Variants in CAMK1D observed in about 807,000 individuals in gnomAD.
The protein encoded by CAMK1D is calcium/calmodulin dependent protein kinase ID.
A neutral mutation model predicts 47.7 loss-of-function variants in CAMK1D; 9 were observed. The observed-to-expected ratio is 0.19, with a 90% CI of 0.11 to 0.33. CAMK1D has a LOEUF of 0.33. CAMK1D is among the 10% of genes least tolerant of loss of function. CAMK1D has a pLI of 1.00. For missense variants in CAMK1D, 291 were observed against 488.7 expected (o/e 0.60, Z 3.81); for synonymous variants, 184 against 184.9 (o/e 0.99, Z 0.04).
chr10:12,453,508 G>A (rs1428890088), intron 1 of CAMK1D, among the ~76,000 whole-genome samples: 1 of 151,968 alleles, frequency 6.6e-6, no homozygotes, highest in African/African-American at 2.4e-5. Context: ...TCCTTTTTAA[G>A]GCCGAATAAT....
At chr10:12,789,868 A>G (rs1837901485) in intron 5 of CAMK1D, among the ~76,000 whole-genome samples, 1 of 152,268 alleles carries the variant, frequency 6.6e-6, no homozygotes, top group African/African-American at 2.4e-5. Context: ...TCTGTGCTAA[A>G]GACACTGCCA....
chr10:12,467,272 C>T (rs1276682780), intron 1 of CAMK1D, among the ~76,000 whole-genome samples: 3 of 152,110 alleles, frequency 2.0e-5, no homozygotes, highest in Non-Finnish European at 4.4e-5. Flanking sequence ...CCTGCCTCAG[C>T]CCCCCGATTA....
chr10:12,643,272 A>T (rs1588724228), intron 2 of CAMK1D, among the ~76,000 whole-genome samples: 3 of 152,280 alleles, frequency 2.0e-5, no homozygotes, highest in Middle Eastern at 6.8e-3. Context: ...AAATGCTGGG[A>T]TTACAGGCGT....
chr10:12,807,942 A>G (rs1368697143), intron 6 of CAMK1D, among the ~76,000 whole-genome samples: 1 of 152,196 alleles, frequency 6.6e-6, no homozygotes, highest in East Asian at 1.9e-4. Flanking sequence ...TTCTACCTGC[A>G]AGATAGACCA....
chr10:12,746,562 AAC>A (rs1037317926), intron 3 of CAMK1D, among the ~76,000 whole-genome samples: 4 of 152,154 alleles, frequency 2.6e-5, no homozygotes, highest in African/African-American at 9.7e-5. Context: ...CAGCTCCTGG[AAC>A]ACCTTCTCTT....
chr10:12,556,747 G>A (rs374920447), intron 2 of CAMK1D, among the ~76,000 whole-genome samples: 4 of 152,198 alleles, frequency 2.6e-5, no homozygotes, highest in Non-Finnish European at 5.9e-5. Flanking sequence ...GGGAGCCATC[G>A]GAGGGTTTTG....
At chr10:12,613,597 G>C (rs769071036) in intron 2 of CAMK1D, among the ~76,000 whole-genome samples, 19 of 152,196 alleles carry the variant, frequency 1.2e-4, no homozygotes, top group Non-Finnish European at 2.4e-4. Context: ...TCCTGCCTCA[G>C]CCTTCTGAGT....
At chr10:12,369,453 C>T (rs151116414) in intron 1 of CAMK1D, among the ~76,000 whole-genome samples, 70 of 152,082 alleles carry the variant, frequency 4.6e-4, no homozygotes, top group African/African-American at 1.4e-3. Flanking sequence ...GACTGTGTAT[C>T]GGTAGGAAGG....
At chr10:12,528,065 T>C (rs1223633104) in intron 1 of CAMK1D, among the ~76,000 whole-genome samples, 1 of 152,250 alleles carries the variant, frequency 6.6e-6, no homozygotes. Context: ...ATGTTTATAG[T>C]AACCCATTTA....
At chr10:12,714,105 C>A (rs1194434213) in intron 3 of CAMK1D, among the ~76,000 whole-genome samples, 1 of 152,200 alleles carries the variant, frequency 6.6e-6, no homozygotes, top group African/African-American at 2.4e-5. Flanking sequence ...CGGCATGTAG[C>A]CAGGACTCTG....
intron 3 of CAMK1D, among the ~76,000 whole-genome samples, chr10:12,670,517 C>T (rs933047417): frequency 2.0e-5 from 3 of 151,680 alleles, no homozygotes; most frequent in African/African-American, 7.3e-5. Flanking sequence ...ATCTGATTTA[C>T]ATACTACACA....
chr10:12,482,845 C>A (rs375908267), intron 1 of CAMK1D, among the ~76,000 whole-genome samples: 2 of 152,146 alleles, frequency 1.3e-5, no homozygotes, highest in Non-Finnish European at 2.9e-5. Context: ...TGTTCACAGC[C>A]GCGCTTTCTG....
intron 1 of CAMK1D, among the ~76,000 whole-genome samples, chr10:12,522,956 TGGTGGGGGCTGATCCC>T (rs1835480606): frequency 7.5e-5 from 3 of 39,924 alleles, no homozygotes; most frequent in African/African-American, 2.5e-4. Context: ...GCGGCTGGCC[TGGTGGGGGCTGATCCC>T]CATCTCCCTC....
At chr10:12,597,343 C>T (rs973760805) in intron 2 of CAMK1D, among the ~76,000 whole-genome samples, 1 of 152,198 alleles carries the variant, frequency 6.6e-6, no homozygotes, top group East Asian at 1.9e-4. Context: ...TGACATTGAA[C>T]TTCCAGTAAC....
At chr10:12,617,770 C>A (rs1158229487) in intron 2 of CAMK1D, among the ~76,000 whole-genome samples, 1 of 152,080 alleles carries the variant, frequency 6.6e-6, no homozygotes, top group Non-Finnish European at 1.5e-5. Flanking sequence ...TGAACAGTCA[C>A]AAAAGACATA....
intron 1 of CAMK1D, among the ~76,000 whole-genome samples, chr10:12,454,251 C>T (rs1833174394): frequency 6.6e-6 from 1 of 152,226 alleles, no homozygotes; most frequent in Non-Finnish European, 1.5e-5. Flanking sequence ...CAACCTCCGC[C>T]TCCTGGGTTC....
At chr10:12,600,515 G>A (rs1838270737) in intron 2 of CAMK1D, among the ~76,000 whole-genome samples, 1 of 152,220 alleles carries the variant, frequency 6.6e-6, no homozygotes, top group African/African-American at 2.4e-5. Context: ...TTTAGTAAAT[G>A]TTGATCTGGC....
At chr10:12,548,518 A>G (rs1244752391) in intron 1 of CAMK1D, among the ~76,000 whole-genome samples, 3 of 141,070 alleles carry the variant, frequency 2.1e-5, no homozygotes, top group African/African-American at 8.1e-5. Flanking sequence ...AGGCTGAAGT[A>G]CAGTGCCGTG....
intron 3 of CAMK1D, among the ~76,000 whole-genome samples, chr10:12,700,243 G>T (rs1486916918): frequency 2.0e-5 from 3 of 152,144 alleles, no homozygotes; most frequent in Admixed American, 1.3e-4. Context: ...AAAGGAAAGA[G>T]GTTTAGTTGA....
Sources: gnomAD v4.1 joint callset for allele counts (sites outside exome capture counted in the v4.1 genomes callset) on GRCh38, gnomAD v4.1.1 for gene constraint, MANE v1.5 for transcripts, NCBI Gene and HGNC (gene_info 2026-07-23, HGNC 2026-07-21) for gene names.